ACOT11: variants seen among roughly 807,000 people sequenced by gnomAD.
ACOT11 encodes acyl-CoA thioesterase 11.
A neutral mutation model predicts 77.5 loss-of-function variants in ACOT11; 69 were observed. The ratio of observed to expected loss-of-function variants is 0.89; its 90% CI spans 0.73 to 1.09. The LOEUF is 1.09. ACOT11 is among the 50% of genes least tolerant of loss of function. The pLI is 0.00. For missense variants in ACOT11, 766 were observed against 813.7 expected, an observed-to-expected ratio of 0.94 and a Z score of 0.71; for synonymous variants, 279 against 313.0, an observed-to-expected ratio of 0.89 and a Z score of 1.15.
chr1:54,617,708 GATT>G (rs1644187436), intron 15 of ACOT11, among the ~76,000 whole-genome samples: 1 of 72,520 alleles, frequency 1.4e-5, no homozygotes, highest in African/African-American at 4.0e-5. Context: ...CAGGGCCTGA[GATT>G]TTTTTTTTTT....
chr1:54,622,909 T>C (rs1644244332), intron 15 of ACOT11, among the ~76,000 whole-genome samples: 1 of 151,768 alleles, frequency 6.6e-6, no homozygotes, highest in Non-Finnish European at 1.5e-5. Context: ...GCATGATGAC[T>C]CACACCTGTA....
intron 3 of ACOT11, among the ~76,000 whole-genome samples, chr1:54,586,727 C>A (rs886981730): frequency 1.3e-5 from 2 of 152,182 alleles, no homozygotes; most frequent in African/African-American, 2.4e-5. Flanking sequence ...AGCCACCACA[C>A]CTGGCCTTTT....
intron 1 of ACOT11, among the ~76,000 whole-genome samples, chr1:54,567,306 TCTCA>T (rs1281234129): frequency 6.7e-6 from 1 of 148,390 alleles, no homozygotes; most frequent in African/African-American, 2.5e-5. Context: ...TGAGATGCAG[TCTCA>T]CTCTGTCTCC....
At chr1:54,589,317 C>CTT (rs397863314) in intron 3 of ACOT11, among the ~76,000 whole-genome samples, 124 of 124,354 alleles carry the variant, frequency 1.0e-3, no homozygotes, top group Middle Eastern at 4.4e-3. Context: ...ATGCCTGGCC[C>CTT]TTTTTTTTTT....
At chr1:54,637,789 A>C (rs1316172428) in exon 17 of ACOT11, 1 of 152,176 alleles carries the variant, frequency 6.6e-6, no homozygotes, top group Admixed American at 6.6e-5. Context: ...TCTGCCTCAA[A>C]AAAAGAAGGC....
rs374572716 is a variant in ACOT11, at chr1:54,623,286, C to T, written c.1630-7448C>T. On this transcript the variant is annotated intron_variant, in intron 15 of 16. Coordinates refer to the ACOT11 transcript ENST00000371316. Reference sequence around the variant, plus strand: ...TGGGGGGAGGCACCTACCTGGCCGCCGCAGGGTGATGGCAAGGACTATTGC... The same window carrying T: ...TGGGGGGAGGCACCTACCTGGCCGCTGCAGGGTGATGGCAAGGACTATTGC... 8.2e-5 allele frequency: 132 copies of T among 1,613,558 alleles called. No individual in the cohort carries two copies. The highest frequency in any genetic ancestry group is 4.9e-4 in the Middle Eastern group (3 of 6,064).
intron 1 of ACOT11, among the ~76,000 whole-genome samples, chr1:54,553,752 TCCC>T (rs1467493110): frequency 6.6e-6 from 1 of 152,036 alleles, no homozygotes; most frequent in South Asian, 2.1e-4. Context: ...GATCTCTCCA[TCCC>T]CCCAACAACC....
At chr1:54,610,723 G>T, downstream of ACOT11, 6 of 979,962 alleles carry the variant, frequency 6.1e-6, no homozygotes, top group Non-Finnish European at 7.3e-6. Context: ...GAAGTGACTT[G>T]CCCAAGGTCT....
chr1:54,552,835 T>G (rs80056810), intron 1 of ACOT11, among the ~76,000 whole-genome samples: 27 of 149,916 alleles, frequency 1.8e-4, no homozygotes, highest in Middle Eastern at 3.5e-3. Context: ...GTTTTGTTTT[T>G]TTTTTTTTTG....
At chr1:54,589,898 C>T (rs902405015) in intron 3 of ACOT11, among the ~76,000 whole-genome samples, 5 of 152,104 alleles carry the variant, frequency 3.3e-5, no homozygotes, top group African/African-American at 1.2e-4. Context: ...ACCATCCTGG[C>T]TAACACGGTG....
rs1644010710 is a variant in ACOT11, at chr1:54,605,207, C to G, written c.1368C>G (p.Tyr456Ter). The change falls in exon 13 of 16, where the codon TAC (tyrosine) becomes TAG (stop). Residue 456 changes from tyrosine (Y) to a stop codon, truncating the protein, a stop_gained and splice_region_variant. Coordinates refer to ENST00000343744, the MANE Select transcript of ACOT11 (RefSeq NM_147161.4). LOFTEE classifies it high-confidence loss of function. The part of the protein sequence containing the change: ...LRQRPEWDKH[Y>*]RSVELVQQVD... ...AGAGGCCAGAGTGGGACAAGCACTA[C>G]CGGTGAGGGGCCAGGGTGAGGGCAG... The G allele has an allele frequency of 6.2e-7, 1 of 1,612,868 alleles. No homozygotes were observed. The highest frequency in any genetic ancestry group is 8.5e-7 in the Non-Finnish European group (1 of 1,179,952).
chr1:54,581,244 G>A (rs1465656926), intron 1 of ACOT11, among the ~76,000 whole-genome samples: 1 of 152,210 alleles, frequency 6.6e-6, no homozygotes, highest in East Asian at 1.9e-4. Context: ...TCAGAGGCCT[G>A]TTTAAGGTCG....
intron 1 of ACOT11, among the ~76,000 whole-genome samples, chr1:54,569,529 T>A (rs1168371630): frequency 6.6e-6 from 1 of 152,210 alleles, no homozygotes; most frequent in Non-Finnish European, 1.5e-5. Context: ...GGCCTCATGC[T>A]GCCTGCCAAA....
At chr1:54,549,378 G>C (rs1408350094) in intron 1 of ACOT11, among the ~76,000 whole-genome samples, 3 of 152,050 alleles carry the variant, frequency 2.0e-5, no homozygotes, top group African/African-American at 7.2e-5. Context: ...TGCTGTCCCT[G>C]CTTCAGCCAT....
downstream of ACOT11, chr1:54,610,520 C>T: frequency 1.2e-6 from 2 of 1,613,530 alleles, no homozygotes; most frequent in Non-Finnish European, 1.7e-6. Flanking sequence ...ATCAGGCTGC[C>T]TCCCGTGTAG....
chr1:54,603,264 C>T (rs111964459), intron 10 of ACOT11, among the ~76,000 whole-genome samples: 7,149 of 152,218 alleles, frequency 0.047, 280 homozygotes, highest in East Asian at 0.17. Context: ...GCAAGAGAAT[C>T]GCTTGAACCG....
In ACOT11 at chr1:54,609,418, G is replaced by T. The variant is rs141833986; in HGVS notation, c.*306G>T. ...CAGCTGGGTTGTGCTCCACTGTGAC[G>T]GTGGCCCGGGGGGAGGATGCCAGCA... On this transcript the variant is annotated 3_prime_UTR_variant, in exon 16 of 16. Coordinates refer to ENST00000343744, the MANE Select transcript of ACOT11 (RefSeq NM_147161.4). 6.2e-7 allele frequency: 1 copy of T among 1,613,812 alleles called. No homozygotes were observed. The highest frequency in any genetic ancestry group is 1.3e-5 in the African/African-American group (1 of 74,904).
intron 1 of ACOT11, among the ~76,000 whole-genome samples, chr1:54,572,680 G>A (rs1156604122): frequency 6.6e-6 from 1 of 152,202 alleles, no homozygotes; most frequent in Admixed American, 6.5e-5. Context: ...GGTAGAGGGT[G>A]GGAGGTGGCA....
chr1:54,585,918 C>A lies in ACOT11; in HGVS notation c.311+14C>A. The A allele has an allele frequency of 6.2e-7, 1 of 1,613,810 alleles. No individual in the cohort carries two copies. Among genetic ancestry groups the A allele is most frequent in the African/African-American group, 1.3e-5 (1 of 75,050 alleles). ...GCACACCATTAGGTAAGTGGCCCCT[C>A]CTGCCTCAAGGTCCTCTGGGCTCCC... is the stretch of plus-strand genomic sequence containing the variant. On this transcript the variant is annotated intron_variant, in intron 3 of 15. Coordinates refer to ENST00000343744, the MANE Select transcript of ACOT11 (RefSeq NM_147161.4).
Sources: allele counts gnomAD v4.1 joint callset (sites outside exome capture counted in the v4.1 genomes callset), GRCh38; gene constraint gnomAD v4.1.1; transcripts MANE v1.5; gene names NCBI Gene and HGNC (gene_info 2026-07-23, HGNC 2026-07-21).